The following CLIC5 variants were observed in gnomAD, a reference collection of about 807,000 sequenced individuals.
CLIC5 encodes the protein CLIC family member 5, also known as chloride intracellular channel protein 5.
In CLIC5, 20 loss-of-function variants were observed where a neutral mutation model predicts 24.7. The observed-to-expected ratio is 0.81, with a 90% CI of 0.57 to 1.18. CLIC5 has a LOEUF of 1.18. Among genes scored for constraint, CLIC5 ranks in the 50% most tolerant of loss-of-function variants. The pLI, the probability that CLIC5 is intolerant of heterozygous loss-of-function variation, is 0.00. For missense variants in CLIC5, 341 were observed against 326.1 expected, an observed-to-expected ratio of 1.05 and a Z score of -0.35; for synonymous variants, 159 against 135.6, an observed-to-expected ratio of 1.17 and a Z score of -1.20.
At chr6:45,946,178 C>A (rs1205893322) in intron 3 of CLIC5, among the ~76,000 whole-genome samples, 1 of 152,210 alleles carries the variant, frequency 6.6e-6, no homozygotes, top group Non-Finnish European at 1.5e-5. Flanking sequence ...AGAGGCAGGG[C>A]TCCTGACTCT....
At chr6:45,884,149 C>T (rs1932042) in intron 6 of CLIC5, among the ~76,000 whole-genome samples, 151,540 of 152,312 alleles carry the variant, frequency 0.99, 75,389 homozygotes, top group Middle Eastern at 1. Context: ...TACTTGGCTA[C>T]TCTTCAACAT....
chr6:46,006,113 CACATGTATAAATACATATATATATATAT>C (rs1766565281), intron 1 of CLIC5, among the ~76,000 whole-genome samples: 2 of 20,160 alleles, frequency 9.9e-5, no homozygotes, highest in Non-Finnish European at 1.6e-4. Context: ...TATATATATA[CACATGTATAAATACATATATATATATAT>C]ATATATATAT....
intron 1 of CLIC5, among the ~76,000 whole-genome samples, chr6:46,022,897 C>A (rs1767223472): frequency 6.6e-6 from 1 of 152,124 alleles, no homozygotes; most frequent in Non-Finnish European, 1.5e-5. Flanking sequence ...CTGTATTATT[C>A]CTTCCGGGAT....
chr6:46,108,543 C>G, the CLIC5 span, among the ~76,000 whole-genome samples: 1 of 151,956 alleles, frequency 6.6e-6, no homozygotes, highest in Non-Finnish European at 1.5e-5. Flanking sequence ...ATTACAGGTG[C>G]CCACCACCAC....
chr6:46,073,270 A>G (rs1263086993), intron 1 of CLIC5, among the ~76,000 whole-genome samples: 1 of 152,174 alleles, frequency 6.6e-6, no homozygotes, highest in Non-Finnish European at 1.5e-5. Context: ...TGGAAACTAT[A>G]CTAAAATAAC....
intron 1 of CLIC5, among the ~76,000 whole-genome samples, chr6:46,052,797 G>A (rs1420746297): frequency 6.6e-6 from 1 of 151,914 alleles, no homozygotes; most frequent in Non-Finnish European, 1.5e-5. Context: ...TTGAGGGTGT[G>A]GGGAGAGCTT....
chr6:46,073,250 C>A (rs1312589469), intron 1 of CLIC5, among the ~76,000 whole-genome samples: 3 of 152,162 alleles, frequency 2.0e-5, no homozygotes, highest in Admixed American at 6.6e-5. Flanking sequence ...TGCAAACACA[C>A]TTTTTAAACT....
At chr6:45,917,955 C>T (rs974043995) in intron 4 of CLIC5, among the ~76,000 whole-genome samples, 3 of 152,220 alleles carry the variant, frequency 2.0e-5, no homozygotes, top group Admixed American at 2.0e-4. Flanking sequence ...GGTATCCCTC[C>T]AACTACAGCA....
intron 4 of CLIC5, among the ~76,000 whole-genome samples, chr6:45,933,032 C>T (rs373744541): frequency 2.6e-5 from 4 of 152,178 alleles, no homozygotes; most frequent in African/African-American, 9.7e-5. Context: ...TAGAATAACC[C>T]GAGAGTCTTC....
At chr6:46,094,115 C>T in the CLIC5 span, among the ~76,000 whole-genome samples, 62 of 152,316 alleles carry the variant, frequency 4.1e-4, no homozygotes, top group East Asian at 0.01. Context: ...AACTCACTAA[C>T]TATCACCAGA....
intron 1 of CLIC5, among the ~76,000 whole-genome samples, chr6:45,980,786 T>G (rs1379763489): frequency 6.6e-6 from 1 of 152,126 alleles, no homozygotes; most frequent in African/African-American, 2.4e-5. Flanking sequence ...AAAATATTTT[T>G]CAAAGTAATT....
chr6:46,038,158 C>T (rs1767713365), intron 1 of CLIC5, among the ~76,000 whole-genome samples: 1 of 152,114 alleles, frequency 6.6e-6, no homozygotes, highest in Non-Finnish European at 1.5e-5. Flanking sequence ...CTCACTTGAT[C>T]CTATGCCTTC....
intron 6 of CLIC5, among the ~76,000 whole-genome samples, chr6:45,887,227 T>C (rs1762312225): frequency 6.6e-6 from 1 of 152,218 alleles, no homozygotes; most frequent in Non-Finnish European, 1.5e-5. Flanking sequence ...AACCAATTTA[T>C]TCCATTTATT....
chr6:46,024,505 A>G lies in CLIC5; in HGVS notation c.540+55198T>C, dbSNP rs115813138. Among the ~76,000 whole-genome samples the G allele has an allele frequency of 3.0e-3, 463 of 152,260 alleles. 3 individuals are homozygous for G. Among genetic ancestry groups the G allele is most frequent in the African/African-American group, 0.011 (446 of 41,564 alleles). On this transcript the variant is annotated intron_variant, in intron 1 of 5. Transcript: ENST00000185206. ...TTTGAACTATCCCACCACCACTAAG[A>G]CAGAACCTGACTGAGAGTAAAGCCA...
intron 4 of CLIC5, among the ~76,000 whole-genome samples, chr6:45,916,066 C>T (rs1381180112): frequency 6.6e-6 from 1 of 152,218 alleles, no homozygotes; most frequent in Non-Finnish European, 1.5e-5. Context: ...TTAGCCACTC[C>T]TCTCATAACC....
intron 1 of CLIC5, among the ~76,000 whole-genome samples, chr6:45,994,471 C>T (rs560918947): frequency 1.3e-5 from 2 of 152,124 alleles, no homozygotes; most frequent in South Asian, 2.1e-4. Flanking sequence ...AGGGGAACAA[C>T]GCACACCAGG....
chr6:45,897,803 GCA>G (rs1762414089), downstream of CLIC5, among the ~76,000 whole-genome samples: 2 of 151,994 alleles, frequency 1.3e-5, no homozygotes, highest in South Asian at 4.2e-4. Flanking sequence ...AGAGCTCTGG[GCA>G]CAAGAAGAAT....
intron 1 of CLIC5, among the ~76,000 whole-genome samples, chr6:46,056,045 C>T (rs1204156701): frequency 2.0e-5 from 3 of 152,082 alleles, no homozygotes; most frequent in Non-Finnish European, 1.5e-5. Flanking sequence ...CATTTGATGC[C>T]ACTGAACTGT....
intron 1 of CLIC5, among the ~76,000 whole-genome samples, chr6:45,974,307 T>C (rs1003900665): frequency 6.6e-6 from 1 of 151,764 alleles, no homozygotes; most frequent in Admixed American, 6.6e-5. Context: ...AAGAGTCAAA[T>C]GAGACCATGT....
Sources: gnomAD v4.1 joint callset for allele counts (sites outside exome capture counted in the v4.1 genomes callset) on GRCh38, gnomAD v4.1.1 for gene constraint, MANE v1.5 for transcripts, NCBI Gene and HGNC (gene_info 2026-07-23, HGNC 2026-07-21) for gene names.